AGAP3: variants seen among roughly 807,000 people sequenced by gnomAD.
AGAP3 encodes the protein arf-GAP with GTPase, ANK repeat and PH domain-containing protein 3.
AGAP3 carries 24 observed loss-of-function variants against 96.9 expected under a neutral mutation model. That is an observed-to-expected ratio of 0.25 (90% CI 0.18 to 0.35). The LOEUF (loss-of-function observed/expected upper bound fraction) is 0.35. AGAP3 is among the 10% of genes least tolerant of loss of function. The probability of loss-of-function intolerance (pLI) is 1.00; values close to 1 mark genes in which losing one functional copy is unlikely to be tolerated. For synonymous variants in AGAP3, 563 were observed against 536.1 expected, an observed-to-expected ratio of 1.05 and a Z score of -0.69; for missense variants, 876 against 1,254.2, an observed-to-expected ratio of 0.70 and a Z score of 4.55.
At position 151,142,310 on chromosome 7, in the gene AGAP3, A is replaced by G; in HGVS notation, c.2050+57A>G. 6.2e-7 allele frequency: 1 copy of G among 1,602,060 alleles called. No individual in the cohort carries two copies. The highest frequency in any genetic ancestry group is 8.5e-7 in the Non-Finnish European group (1 of 1,172,734). ...GGGATGGCCCAGGGAAAGCTTCGCA[A>G]GCATCAGGGAGCAGGGAAGAGGGCA... On this transcript the variant is annotated intron_variant, in intron 15 of 17. Transcript: ENST00000397238. The surrounding 1 kb of genome is among the most constrained non-coding windows in gnomAD (Gnocchi z 7.5).
chr7:151,123,389 C>T (rs1008948103), intron 8 of AGAP3: 126 of 1,073,806 alleles, frequency 1.2e-4, no homozygotes, highest in Non-Finnish European at 1.4e-4. Context: ...CGTGTGGTGT[C>T]TGTGCCGCAG....
rs1798175004 is a variant in AGAP3 at position 151,086,858 on chromosome 7, G to C, written c.117G>C (p.Ala39=). ...TCTGCGGCGGGCAGTTCGGCGGCGC[G>C]GGGCCCGGGGCCGGGGGCGGCGGCG... is the stretch of plus-strand genomic sequence containing the variant. ...QLVCGGQFGG[A]GPGAGGGGGP... is the part of the protein sequence containing the mutation. The change falls in exon 1 of 18, where the codon GCG becomes GCC. Residue 39 remains alanine (A), a synonymous_variant. Transcript: ENST00000397238. 1 of 1,026,026 alleles carries C rather than the reference G, an allele frequency of 9.7e-7. No homozygotes were observed. Among genetic ancestry groups the C allele is most frequent in the Non-Finnish European group, 1.2e-6 (1 of 858,078 alleles). 63.6% of individuals were successfully genotyped at this position (1,026,026 alleles called of 1,614,324 possible). A position where few individuals can be genotyped will look rare whatever the true frequency, so the allele number is the denominator to read the frequency against.
Position 151,086,876 on chromosome 7 carries a change from C to A in AGAP3, c.135C>A (p.Gly45=), listed in dbSNP as rs746411238. 2.1e-5 allele frequency: 26 copies of A among 1,240,448 alleles called. 1 individual carries two copies. The highest frequency in any genetic ancestry group is 8.0e-5 in the Admixed American group (2 of 24,920). The allele number at this position is 1,240,448 out of a possible 1,614,324, so 76.8% of individuals were successfully genotyped here. ...QFGGAGPGAG[G]GGGPSQQLAG... ...GCGGCGCGGGGCCCGGGGCCGGGGG[C>A]GGCGGCGGCCCCTCGCAGCAGCTGG... The change falls in exon 1 of 18, where the codon GGC becomes GGA. Residue 45 remains glycine (G), a synonymous_variant. Transcript: ENST00000397238.
intron 1 of AGAP3, among the ~76,000 whole-genome samples, chr7:151,088,997 C>T (rs1798270700): frequency 6.6e-6 from 1 of 152,062 alleles, no homozygotes; most frequent in Non-Finnish European, 1.5e-5. Flanking sequence ...GACCCAGCCG[C>T]GGCTCACACA....
rs1800918233 is a variant in AGAP3, at chr7:151,143,834, A to G, written c.2627A>G (p.Gln876Arg). The G allele has an allele frequency of 1.2e-6, 2 of 1,613,952 alleles. No individual in the cohort carries two copies. The highest frequency in any genetic ancestry group is 1.7e-6 in the Non-Finnish European group (2 of 1,180,048). Residue 876 changes from glutamine (Q) to arginine (R), a missense_variant, in exon 18 of 18, where the codon CAG (glutamine) becomes CGG (arginine). By Grantham distance (43) the Gln-to-Arg change is conservative. Coordinates refer to ENST00000397238, the MANE Select transcript of AGAP3 (RefSeq NM_031946.7). This position sits in a 1 kb window ranked among gnomAD's most constrained non-coding sequence, Gnocchi z 5.9. ...GSQECADILI[Q>R]HGCPGEGCGL... Reference sequence around the variant, plus strand: ...CAGGAGTGTGCAGACATCTTGATCCAGCATGGCTGCCCTGGGGAGGGCTGT... The same window carrying G: ...CAGGAGTGTGCAGACATCTTGATCCGGCATGGCTGCCCTGGGGAGGGCTGT...
intron 7 of AGAP3, 123 bp from the exon 8 acceptor site, chr7:151,119,864 T>C: frequency 1.2e-6 from 1 of 834,060 alleles, no homozygotes; most frequent in South Asian, 1.7e-5. Flanking sequence ...TAGGGGCTAG[T>C]GGCCCCTCTG....
In AGAP3 at chr7:151,138,144, T is replaced by C. The variant is rs200567326; in HGVS notation, c.1497T>C (p.Gly499=). 164 of 1,591,870 alleles carry C rather than the reference T, an allele frequency of 1.0e-4. No homozygotes were observed. The highest frequency in any genetic ancestry group is 1.3e-4 in the Non-Finnish European group (153 of 1,168,996). ...CAGTCTGACCCTTCCCGCCCCCAGGTGCCCCCCACTCGGCCAGCAGCGCAT... is the reference window on the plus strand; with the variant it reads ...CAGTCTGACCCTTCCCGCCCCCAGGCGCCCCCCACTCGGCCAGCAGCGCAT... ...RSNTQLGGGT[G]APHSASSASL... is the part of the protein sequence containing the mutation. Residue 499 remains glycine (G), a splice_region_variant and synonymous_variant, in exon 12 of 18, where the codon GGT becomes GGC. Transcript: ENST00000397238.
At position 151,139,789 on chromosome 7, in the gene AGAP3, C is replaced by T; in HGVS notation, c.1667-190C>T. On this transcript the variant is annotated intron_variant, in intron 12 of 17. Transcript: ENST00000397238. The surrounding 1 kb of genome is among the most constrained non-coding windows in gnomAD (Gnocchi z 4.9). ...TATTCTCTTTCCACATTTTCCTCCT[C>T]CAAGGCTGGGGAGCTTTGGGACTGG... The T allele has an allele frequency of 2.2e-6, 1 of 458,746 alleles. No homozygotes were observed. Among genetic ancestry groups the T allele is most frequent in the Non-Finnish European group, 3.7e-6 (1 of 273,858 alleles). The allele number at this position is 458,746 out of a possible 1,614,324, so 28.4% of individuals were successfully genotyped here.
chr7:151,108,559 C>T lies in AGAP3; in HGVS notation c.332-8234C>T, dbSNP rs1470307398. 1.3e-5 allele frequency among the ~76,000 whole-genome samples: 2 copies of T among 152,202 alleles called. No individual in the cohort carries two copies. Among genetic ancestry groups the T allele is most frequent in the Non-Finnish European group, 2.9e-5 (2 of 68,032 alleles). ...ACCTCTGGAGATGGGGCAGAATCCC[C>T]GGGCCTCAGAGCAGCCTTCGGAGGG... On this transcript the variant is annotated intron_variant, in intron 1 of 17. Coordinates refer to ENST00000397238, the MANE Select transcript of AGAP3 (RefSeq NM_031946.7). This position sits in a 1 kb window ranked among gnomAD's most constrained non-coding sequence, Gnocchi z 4.2.
intron 1 of AGAP3, among the ~76,000 whole-genome samples, chr7:151,098,636 G>T (rs1326231736): frequency 6.6e-6 from 1 of 151,956 alleles, no homozygotes; most frequent in Non-Finnish European, 1.5e-5. Flanking sequence ...GGGCGACAGA[G>T]CAAGACCAGT....
chr7:151,105,622 G>A (rs551548331), intron 1 of AGAP3, among the ~76,000 whole-genome samples: 5 of 151,428 alleles, frequency 3.3e-5, no homozygotes, highest in South Asian at 4.2e-4. Flanking sequence ...AAAATTAGCC[G>A]GGCATAGCTG....
intron 8 of AGAP3, chr7:151,123,495 C>T: frequency 2.5e-6 from 3 of 1,215,798 alleles, no homozygotes; most frequent in South Asian, 4.5e-5. Flanking sequence ...TCCTCGCCCC[C>T]GCTTCTCTTA....
intron 11 of AGAP3, among the ~76,000 whole-genome samples, chr7:151,135,264 T>C (rs1800549202): frequency 6.6e-6 from 1 of 152,198 alleles, no homozygotes; most frequent in African/African-American, 2.4e-5. Context: ...AAGACTTCAG[T>C]ATCCCCAGTG....
chr7:151,123,173 G>C, intron 8 of AGAP3: 1 of 1,073,532 alleles, frequency 9.3e-7, no homozygotes, highest in South Asian at 3.1e-5. Flanking sequence ...GACCTCTGCC[G>C]TTCCTGCTCC....
At chr7:151,103,873 G>A (rs895306750) in intron 1 of AGAP3, among the ~76,000 whole-genome samples, 4 of 152,202 alleles carry the variant, frequency 2.6e-5, no homozygotes, top group South Asian at 2.1e-4. Flanking sequence ...GAACCGTGAC[G>A]TGGGCTGGCT....
At chr7:151,086,466 G>T (rs1798146469), upstream of AGAP3, among the ~76,000 whole-genome samples, 1 of 147,512 alleles carries the variant, frequency 6.8e-6, no homozygotes, top group Non-Finnish European at 1.5e-5. Flanking sequence ...GCGCGCTCCC[G>T]GTCCCGTTGT....
chr7:151,117,928 TG>T, intron 5 of AGAP3, 151 bp downstream of exon 5: 2 of 1,179,970 alleles, frequency 1.7e-6, no homozygotes, highest in Non-Finnish European at 2.3e-6. Flanking sequence ...GTGCTGCTCG[TG>T]TCTGAGGGCT....
In AGAP3 at chr7:151,142,233, G is replaced by A. The variant is rs780631513; in HGVS notation, c.2030G>A (p.Cys677Tyr). 1 of 1,613,400 alleles carries A rather than the reference G, an allele frequency of 6.2e-7. No homozygotes were observed. Among genetic ancestry groups the A allele is most frequent in the East Asian group, 2.2e-5 (1 of 44,890 alleles). ...AVRTVRGNSF[C>Y]IDCDAPNPDW... ...CGCACCGTCCGCGGCAACAGCTTTT[G>A]TATCGACTGCGATGCACCCAGTGAG... Residue 677 changes from cysteine to tyrosine, a missense_variant, in exon 15 of 18, where the codon TGT becomes TAT. Cys to Tyr is a radical substitution (Grantham distance 194). Transcript: ENST00000397238. The surrounding 1 kb of genome is among the most constrained non-coding windows in gnomAD (Gnocchi z 7.5).
At chr7:151,136,028 G>T (rs1800579226) in intron 11 of AGAP3, among the ~76,000 whole-genome samples, 1 of 152,218 alleles carries the variant, frequency 6.6e-6, no homozygotes, top group Admixed American at 6.5e-5. Flanking sequence ...TGCCAGTGGG[G>T]GACCTTGAGC....
Sources: gnomAD v4.1 joint callset for allele counts (sites outside exome capture counted in the v4.1 genomes callset) on GRCh38, gnomAD v4.1.1 for gene constraint, Gnocchi (gnomAD v3.1) non-coding constraint, MANE v1.5 for transcripts, NCBI Gene and HGNC (gene_info 2026-07-23, HGNC 2026-07-21) for gene names.